Variants in ABCC4 observed in about 807,000 individuals in gnomAD.
The protein encoded by ABCC4 is ATP binding cassette subfamily C member 4 (PEL blood group), also known as ATP-binding cassette sub-family C member 4.
In ABCC4, 102 loss-of-function variants were observed where a neutral mutation model predicts 168.5. The ratio of observed to expected loss-of-function variants is 0.61; its 90% CI spans 0.52 to 0.71. The LOEUF (loss-of-function observed/expected upper bound fraction) is 0.71. ABCC4 is among the 30% of genes least tolerant of loss of function. The pLI, the probability that ABCC4 is intolerant of heterozygous loss-of-function variation, is 0.00. For synonymous variants in ABCC4, 617 were observed against 590.7 expected, an observed-to-expected ratio of 1.04 and a Z score of -0.65; for missense variants, 1,402 against 1,605.8, an observed-to-expected ratio of 0.87 and a Z score of 2.17.
At chr13:95,142,640 A>G (rs11616203) in intron 19 of ABCC4, among the ~76,000 whole-genome samples, 322 of 152,300 alleles carry the variant, frequency 2.1e-3, no homozygotes, top group Non-Finnish European at 3.1e-3. Flanking sequence ...AAAAAAAAGA[A>G]ATAGTGATAT....
chr13:95,109,002 CTATACTAACTTAGAT>C (rs376417526), intron 20 of ABCC4, among the ~76,000 whole-genome samples: 136 of 152,198 alleles, frequency 8.9e-4, no homozygotes, highest in African/African-American at 3.2e-3. Flanking sequence ...CACACTAGAC[CTATACTAACTTAGAT>C]TATTTATGTT....
chr13:95,078,480 C>A (rs756373910), intron 21 of ABCC4, among the ~76,000 whole-genome samples: 4 of 152,102 alleles, frequency 2.6e-5, no homozygotes, highest in Non-Finnish European at 5.9e-5. Context: ...ACCTTTTACT[C>A]GTTATTTGTG....
chr13:95,164,059 AAAG>A lies in ABCC4; in HGVS notation c.2175+316_2175+318del, dbSNP rs1566480636. ...CCATCTCAAAAAAAAAAAAAAAAAG[AAAG>A]AAAGAAAGAAAGAAAGAATAAAAGG... is the stretch of plus-strand genomic sequence containing the variant. On this transcript the variant is annotated intron_variant, in intron 16 of 30. Coordinates refer to ENST00000645237, the MANE Select transcript of ABCC4 (RefSeq NM_005845.5). Among the ~76,000 whole-genome samples the A allele has an allele frequency of 3.0e-3, 367 of 122,170 alleles. 1 individual carries two copies. Among genetic ancestry groups the A allele is most frequent in the African/African-American group, 9.5e-3 (341 of 35,766 alleles). The allele number at this position is 122,170 out of a possible 152,430, so 80.1% of individuals were successfully genotyped here.
intron 26 of ABCC4, among the ~76,000 whole-genome samples, chr13:95,058,588 A>AAAAAG (rs1178949059): frequency 1.3e-5 from 1 of 77,216 alleles, no homozygotes; most frequent in African/African-American, 4.9e-5. Flanking sequence ...AAAAAAAAAA[A>AAAAAG]AAAAGAAAAG....
intron 1 of ABCC4, among the ~76,000 whole-genome samples, chr13:95,296,298 A>G (rs985638007): frequency 9.2e-5 from 14 of 152,126 alleles, no homozygotes; most frequent in Admixed American, 8.5e-4. Context: ...AGCCTGGGCA[A>G]CATAGTGAGA....
At chr13:95,071,525 C>A in intron 25 of ABCC4, 137 bp downstream of exon 25, 2 of 703,122 alleles carry the variant, frequency 2.8e-6, no homozygotes, top group Non-Finnish European at 4.1e-6. Context: ...TGTTGGTATC[C>A]ACATTCCATG....
intron 4 of ABCC4, among the ~76,000 whole-genome samples, chr13:95,220,459 CA>C (rs1274526047): frequency 6.6e-6 from 1 of 152,080 alleles, no homozygotes; most frequent in Non-Finnish European, 1.5e-5. Context: ...TGTAATACTG[CA>C]AAATTCATTC....
intron 4 of ABCC4, among the ~76,000 whole-genome samples, chr13:95,221,470 C>A (rs150850273): frequency 7.0e-4 from 107 of 152,182 alleles, no homozygotes; most frequent in East Asian, 1.9e-3. Context: ...CTCAAGCGAT[C>A]CAGCCATCTG....
At chr13:95,272,075 G>A (rs1209395524) in intron 1 of ABCC4, among the ~76,000 whole-genome samples, 5 of 149,288 alleles carry the variant, frequency 3.3e-5, no homozygotes, top group Non-Finnish European at 7.4e-5. Context: ...ACGAACTTTC[G>A]CTCTTGTTGC....
intron 27 of ABCC4, among the ~76,000 whole-genome samples, chr13:95,049,623 AGAGT>A (rs1396442516): frequency 6.6e-6 from 1 of 151,940 alleles, no homozygotes; most frequent in Non-Finnish European, 1.5e-5. Flanking sequence ...CCTGGATGAC[AGAGT>A]GAGACTCTGT....
chr13:95,150,021 G>T lies in ABCC4; in HGVS notation c.2455+11168C>A, dbSNP rs186056099. Among the ~76,000 whole-genome samples, 1,503 of 152,146 alleles carry T rather than the reference G, an allele frequency of 9.9e-3. 11 individuals carry two copies. Among genetic ancestry groups the T allele is most frequent in the Middle Eastern group, 0.044 (13 of 294 alleles). On this transcript the variant is annotated intron_variant, in intron 19 of 30. Coordinates refer to ENST00000645237, the MANE Select transcript of ABCC4 (RefSeq NM_005845.5). ...GGGTCTCATTCTGATTCCTAGGCTT[G>T]GGGGGGCAATACAGTAATCATAGCT...
At chr13:95,093,767 A>C (rs751995490) in intron 20 of ABCC4, among the ~76,000 whole-genome samples, 3 of 152,102 alleles carry the variant, frequency 2.0e-5, no homozygotes, top group Non-Finnish European at 4.4e-5. Flanking sequence ...TTTACCTTGG[A>C]AAGCCTAAAG....
At chr13:95,094,305 C>G (rs925520259) in intron 20 of ABCC4, among the ~76,000 whole-genome samples, 1 of 152,178 alleles carries the variant, frequency 6.6e-6, no homozygotes, top group African/African-American at 2.4e-5. Context: ...GTCACCAAAA[C>G]AGCATGGTAC....
chr13:95,074,189 C>T (rs1285102381), intron 23 of ABCC4, 25 bp downstream of exon 23: 1 of 1,529,760 alleles, frequency 6.5e-7, no homozygotes, highest in Admixed American at 1.8e-5. Context: ...TCATACCATA[C>T]ATAGTTATTC....
chr13:95,161,321 T>C lies in ABCC4; in HGVS notation c.2323A>G (p.Thr775Ala), dbSNP rs774465145. 7 of 1,585,590 alleles carry C rather than the reference T, an allele frequency of 4.4e-6. No individual in the cohort carries two copies. Among genetic ancestry groups the C allele is most frequent in the Non-Finnish European group, 5.1e-6 (6 of 1,170,908 alleles). ...GATCTTGCTATGCCAAAAAGAACGG[T>C]AGCTACAGTTAAACCTGAAATAAAG... The part of the protein sequence containing the change: ...LGIYSGLTVA[T>A]VLFGIARSLL... The change falls in exon 19 of 31, where the codon ACC becomes GCC. Residue 775 changes from threonine to alanine, a missense_variant. Transcript: ENST00000645237.
chr13:95,276,000 A>G (rs1240697468), intron 1 of ABCC4, among the ~76,000 whole-genome samples: 2 of 152,168 alleles, frequency 1.3e-5, no homozygotes, highest in Non-Finnish European at 2.9e-5. Context: ...ATAGCTGCAT[A>G]TTTAGAAAGA....
intron 1 of ABCC4, among the ~76,000 whole-genome samples, chr13:95,294,339 C>A (rs768975114): frequency 4.0e-5 from 6 of 150,496 alleles, no homozygotes; most frequent in Non-Finnish European, 8.9e-5. Flanking sequence ...CTCTAGCCTG[C>A]AAGACAGAGA....
At chr13:95,181,366 C>T (rs1216364485) in intron 11 of ABCC4, among the ~76,000 whole-genome samples, 1 of 152,258 alleles carries the variant, frequency 6.6e-6, no homozygotes, top group African/African-American at 2.4e-5. Flanking sequence ...TGGGCCACAC[C>T]TTGCTTCCAT....
intron 7 of ABCC4, among the ~76,000 whole-genome samples, chr13:95,207,533 A>T (rs1284921732): frequency 6.6e-6 from 1 of 152,210 alleles, no homozygotes; most frequent in Non-Finnish European, 1.5e-5. Context: ...CATTGTTGGG[A>T]TTTGGGATAT....
Sources: allele counts gnomAD v4.1 joint callset (sites outside exome capture counted in the v4.1 genomes callset), GRCh38; gene constraint gnomAD v4.1.1; transcripts MANE v1.5; gene names NCBI Gene and HGNC (gene_info 2026-07-23, HGNC 2026-07-21).